RIN2: variants seen among roughly 807,000 people sequenced by gnomAD.
The protein encoded by RIN2 is Ras and Rab interactor 2.
RIN2 carries 36 observed loss-of-function variants against 78.0 expected under a neutral mutation model. The observed-to-expected ratio is 0.46, with a 90% CI of 0.35 to 0.61. The LOEUF is 0.61. Among genes scored for constraint, RIN2 ranks in the 20% least tolerant of loss-of-function variants. The pLI is 0.00. For missense variants in RIN2, 1,087 were observed against 1,159.7 expected (o/e 0.94, Z 0.91); for synonymous variants, 466 against 466.8 (o/e 1.00, Z 0.02).
chr20:19,947,847 T>G (rs2041155197), intron 4 of RIN2, among the ~76,000 whole-genome samples: 1 of 152,210 alleles, frequency 6.6e-6, no homozygotes, highest in African/African-American at 2.4e-5. Context: ...CCTTGTAGAT[T>G]CCACCAGGAT....
At position 19,992,613 on chromosome 20, in the gene RIN2, G is replaced by A. The variant is rs571884324; in HGVS notation, c.2200+314G>A. 5.3e-5 allele frequency among the ~76,000 whole-genome samples: 8 copies of A among 152,120 alleles called. 1 individual carries two copies. Among genetic ancestry groups the A allele is most frequent in the Admixed American group, 3.3e-4 (5 of 15,276 alleles). On this transcript the variant is annotated intron_variant, in intron 11 of 12. Coordinates refer to ENST00000255006, the MANE Select transcript of RIN2 (RefSeq NM_018993.4). ...CTGATTGCAAAAGTAATACACACTC[G>A]TGGTAGAAAATTTGGAAAAGTCAGG...
chr20:19,826,427 T>TG (rs2036091707), intron 2 of RIN2, among the ~76,000 whole-genome samples: 2 of 152,198 alleles, frequency 1.3e-5, no homozygotes, highest in South Asian at 2.1e-4. Flanking sequence ...AGTGATTCCC[T>TG]GGGGTGGCCC....
At chr20:19,984,147 T>C (rs2042554265) in intron 9 of RIN2, among the ~76,000 whole-genome samples, 1 of 150,954 alleles carries the variant, frequency 6.6e-6, no homozygotes, top group Non-Finnish European at 1.5e-5. Context: ...AATTGAACAA[T>C]GAGAACACTT....
At chr20:19,999,134 G>A (rs1601101264) in intron 12 of RIN2, among the ~76,000 whole-genome samples, 2 of 152,076 alleles carry the variant, frequency 1.3e-5, no homozygotes, top group East Asian at 3.9e-4. Context: ...CTTCTCACAT[G>A]GGAAGAGGTA....
At chr20:19,851,034 GAAGGAAGGAAGGAAGGAGAAAGA>G (rs2036952387) in intron 2 of RIN2, among the ~76,000 whole-genome samples, 1 of 100,508 alleles carries the variant, frequency 9.9e-6, no homozygotes, top group African/African-American at 4.3e-5. Flanking sequence ...AGGAAGGAAG[GAAGGAAGGAAGGAAGGAGAAAGA>G]AAGGAAGGAA....
intron 3 of RIN2, among the ~76,000 whole-genome samples, chr20:19,894,315 A>G (rs1158800218): frequency 2.0e-5 from 3 of 152,048 alleles, no homozygotes; most frequent in African/African-American, 7.2e-5. Flanking sequence ...CTTTCCCTGA[A>G]TCCCATAGTT....
intron 3 of RIN2, among the ~76,000 whole-genome samples, chr20:19,921,245 A>G (rs567627864): frequency 1.3e-5 from 2 of 152,280 alleles, no homozygotes; most frequent in African/African-American, 4.8e-5. Context: ...CTTCCCCCAG[A>G]ATCAGAAGAG....
At chr20:19,781,326 A>G (rs1447043393) in intron 1 of RIN2, among the ~76,000 whole-genome samples, 1 of 152,166 alleles carries the variant, frequency 6.6e-6, no homozygotes, top group African/African-American at 2.4e-5. Flanking sequence ...GAATTCGCTT[A>G]TTATTGCCAA....
chr20:19,964,445 C>G (rs1013167745), intron 6 of RIN2, among the ~76,000 whole-genome samples: 4 of 152,152 alleles, frequency 2.6e-5, no homozygotes, highest in Non-Finnish European at 5.9e-5. Flanking sequence ...TAACCAAAAG[C>G]TGATTTCAGG....
In RIN2 at chr20:20,000,699, T is replaced by C. The variant is rs952049958; in HGVS notation, c.2451T>C (p.Asp817=). ...LLVRPYITTE[D]VCQICAEKFK... is the part of the protein sequence containing the mutation. ...TGAGACCTTACATCACCACTGAGGATGTGTGTCAGATCTGCGCTGAGAAGT... is the reference window on the plus strand; with the variant it reads ...TGAGACCTTACATCACCACTGAGGACGTGTGTCAGATCTGCGCTGAGAAGT... The change falls in exon 13 of 13, where the codon GAT becomes GAC. Residue 817 remains aspartate, a synonymous_variant. Coordinates refer to ENST00000255006, the MANE Select transcript of RIN2 (RefSeq NM_018993.4). 4 of 1,613,938 alleles carry C rather than the reference T, an allele frequency of 2.5e-6. No individual in the cohort carries two copies. The highest frequency in any genetic ancestry group is 3.4e-6 in the Non-Finnish European group (4 of 1,179,842).
intron 2 of RIN2, among the ~76,000 whole-genome samples, chr20:19,887,065 G>A (rs572943668): frequency 2.0e-5 from 3 of 151,168 alleles, no homozygotes; most frequent in South Asian, 2.1e-4. Context: ...TTACTCTGTC[G>A]CTCAGGCCAA....
At chr20:19,915,176 T>G (rs149751444) in intron 3 of RIN2, among the ~76,000 whole-genome samples, 1 of 152,306 alleles carries the variant, frequency 6.6e-6, no homozygotes, top group African/African-American at 2.4e-5. Context: ...TAGTCTATTC[T>G]GTGTTGAGTG....
At chr20:19,805,881 C>T (rs1354926342) in intron 2 of RIN2, among the ~76,000 whole-genome samples, 1 of 152,154 alleles carries the variant, frequency 6.6e-6, no homozygotes, top group East Asian at 1.9e-4. Context: ...CCCCAACCTC[C>T]AACAGGCCAC....
intron 1 of RIN2, among the ~76,000 whole-genome samples, chr20:19,778,534 C>A (rs867862826): frequency 6.6e-6 from 1 of 152,174 alleles, no homozygotes; most frequent in African/African-American, 2.4e-5. Context: ...GGTCCCAAGT[C>A]ACAAATCCAA....
At chr20:19,776,461 G>C (rs1041266767) in intron 1 of RIN2, among the ~76,000 whole-genome samples, 1 of 152,256 alleles carries the variant, frequency 6.6e-6, no homozygotes, top group South Asian at 2.1e-4. Flanking sequence ...GCCAGGCACT[G>C]TAGTTCACGC....
In RIN2 at chr20:19,963,610, C is replaced by CA. The variant is rs11358752; in HGVS notation, c.464-1327dup. On this transcript the variant is annotated intron_variant, in intron 6 of 12. Coordinates refer to ENST00000255006, the MANE Select transcript of RIN2 (RefSeq NM_018993.4). The stretch of plus-strand genomic sequence containing the variant: ...GGCAACAACAGCGAAACTCTGTCTC[C>CA]AAAAAAAAAAAAAAAGGCAAATAAG... Among the ~76,000 whole-genome samples, 202 of 116,816 alleles carry CA rather than the reference C, an allele frequency of 1.7e-3. 4 individuals are homozygous for CA. Among genetic ancestry groups the CA allele is most frequent in the East Asian group, 0.016 (72 of 4,446 alleles). 76.6% of individuals were successfully genotyped at this position (116,816 alleles called of 152,430 possible). A position where few individuals can be genotyped will look rare whatever the true frequency, so the allele number is the denominator to read the frequency against.
chr20:19,894,619 A>G (rs2123547181), intron 3 of RIN2, among the ~76,000 whole-genome samples: 1 of 152,084 alleles, frequency 6.6e-6, no homozygotes, highest in Admixed American at 6.5e-5. Flanking sequence ...TTCCTGTCCT[A>G]TATCCTGTCC....
At chr20:19,760,551 C>A (rs1004431406) in intron 1 of RIN2, among the ~76,000 whole-genome samples, 1 of 152,130 alleles carries the variant, frequency 6.6e-6, no homozygotes, top group African/African-American at 2.4e-5. Context: ...GGGTCACTAC[C>A]CACTTCAGGA....
intron 2 of RIN2, among the ~76,000 whole-genome samples, chr20:19,876,466 T>C (rs959481429): frequency 3.3e-5 from 5 of 152,040 alleles, no homozygotes; most frequent in African/African-American, 1.2e-4. Context: ...AACTGGAAAA[T>C]AGGGCCTATG....
Sources: allele counts gnomAD v4.1 joint callset (sites outside exome capture counted in the v4.1 genomes callset), GRCh38; gene constraint gnomAD v4.1.1; transcripts MANE v1.5; gene names NCBI Gene and HGNC (gene_info 2026-07-23, HGNC 2026-07-21).